PRKD1: variants seen among roughly 807,000 people sequenced by gnomAD.
PRKD1 encodes the protein serine/threonine-protein kinase D1.
Under a neutral mutation model 95.9 loss-of-function variants are expected in PRKD1, and 63 were observed. The observed-to-expected ratio is 0.66, with a 90% CI of 0.54 to 0.81. PRKD1 has a LOEUF of 0.81. Ranked by LOEUF, PRKD1 falls within the 30% of genes least tolerant of loss-of-function variation. The probability of loss-of-function intolerance (pLI) is 0.00; values close to 1 mark genes in which losing one functional copy is unlikely to be tolerated. For missense variants in PRKD1, 1,048 were observed against 1,165.3 expected (o/e 0.90, Z 1.47); for synonymous variants, 425 against 423.1 (o/e 1.00, Z -0.05).
intron 1 of PRKD1, among the ~76,000 whole-genome samples, chr14:29,806,648 G>C: frequency 6.6e-6 from 1 of 152,172 alleles, no homozygotes; most frequent in East Asian, 1.9e-4. Flanking sequence ...GCAAACTCCT[G>C]AAGTATGCAG....
Position 29,826,700 on chromosome 14 carries a change from C to CACACATATATATATACAT in PRKD1, c.264+100548_264+100549insATGTATATATATATGTGT, listed in dbSNP as rs377377299. ...ATATATATATACACACATATATATA[C>CACACATATATATATACAT]ATATATACACATATATATATACATA... On this transcript the variant is annotated intron_variant, in intron 1 of 17. Transcript: ENST00000331968. Among the ~76,000 whole-genome samples the CACACATATATATATACAT allele has an allele frequency of 6.8e-3, 195 of 28,706 alleles. 8 individuals carry two copies. Among genetic ancestry groups the CACACATATATATATACAT allele is most frequent in the Non-Finnish European group, 9.9e-3 (136 of 13,672 alleles). 18.8% of individuals were successfully genotyped at this position (28,706 alleles called of 152,430 possible).
intron 1 of PRKD1, among the ~76,000 whole-genome samples, chr14:29,738,233 G>A (rs1316601052): frequency 6.6e-6 from 1 of 152,130 alleles, no homozygotes; most frequent in Non-Finnish European, 1.5e-5. Context: ...TGACCACATA[G>A]CTATGTGTCT....
At chr14:29,794,122 T>C (rs149405846) in intron 1 of PRKD1, among the ~76,000 whole-genome samples, 6 of 152,244 alleles carry the variant, frequency 3.9e-5, no homozygotes, top group Non-Finnish European at 7.4e-5. Context: ...TAGATTACAA[T>C]GCTGATTCTA....
chr14:29,800,824 C>T (rs2185013), intron 1 of PRKD1, among the ~76,000 whole-genome samples: 5,353 of 152,186 alleles, frequency 0.035, 160 homozygotes, highest in Non-Finnish European at 0.057. Flanking sequence ...GAAAAACAGT[C>T]CAGTCCTTCA....
intron 1 of PRKD1, among the ~76,000 whole-genome samples, chr14:29,925,804 A>G (rs1462450648): frequency 6.6e-6 from 1 of 152,234 alleles, no homozygotes; most frequent in East Asian, 1.9e-4. Flanking sequence ...ATTTTGTTTT[A>G]CATTGTATAC....
chr14:29,746,991 A>C (rs1394541071), intron 1 of PRKD1, among the ~76,000 whole-genome samples: 1 of 152,206 alleles, frequency 6.6e-6, no homozygotes, highest in Non-Finnish European at 1.5e-5. Flanking sequence ...TTTATTCTAC[A>C]AGATTCTATC....
chr14:29,697,340 T>C (rs1884581284), intron 2 of PRKD1, among the ~76,000 whole-genome samples: 1 of 152,186 alleles, frequency 6.6e-6, no homozygotes, highest in Admixed American at 6.5e-5. Context: ...GATGACCTCT[T>C]ATACTCAGAG....
At position 29,697,276 on chromosome 14, in the gene PRKD1, TA is replaced by T. The variant is rs1316787774; in HGVS notation, c.403+28259del. Among the ~76,000 whole-genome samples, 6 of 152,226 alleles carry T rather than the reference TA, an allele frequency of 3.9e-5. No homozygotes were observed. In the South Asian group the frequency reaches 6.2e-4, roughly 16 times the overall value. On this transcript the variant is annotated intron_variant, in intron 2 of 17. Transcript: ENST00000331968. ...TTAAATTCATGGTGTCATGAACTAA[TA>T]TATACAGTTTTATCTTTTGAAAACT...
chr14:29,696,118 C>T (rs1884502501), intron 2 of PRKD1, among the ~76,000 whole-genome samples: 1 of 152,030 alleles, frequency 6.6e-6, no homozygotes, highest in Admixed American at 6.6e-5. Flanking sequence ...CAGCAAATCG[C>T]ATGTTAGAGT....
Position 29,835,721 on chromosome 14 carries a change from C to T in PRKD1, c.264+91528G>A, listed in dbSNP as rs553594496. ...GAGTAGCTGGGATTACAGGCACACG[C>T]CACCACACCCAGCTAATTTTTGTAT... On this transcript the variant is annotated intron_variant, in intron 1 of 17. Transcript: ENST00000331968. Among the ~76,000 whole-genome samples, 798 of 152,202 alleles carry T rather than the reference C, an allele frequency of 5.2e-3. 2 individuals carry two copies. Among genetic ancestry groups the T allele is most frequent in the Admixed American group, 0.013 (194 of 15,290 alleles).
At chr14:29,910,264 C>T (rs1894658708) in intron 1 of PRKD1, among the ~76,000 whole-genome samples, 1 of 152,072 alleles carries the variant, frequency 6.6e-6, no homozygotes, top group Admixed American at 6.5e-5. Flanking sequence ...AGACGCGCCG[C>T]CTTAAGAGCT....
chr14:29,663,634 T>C (rs2139211231), intron 4 of PRKD1, 65 bp downstream of exon 4: 1 of 1,558,140 alleles, frequency 6.4e-7, no homozygotes, highest in Non-Finnish European at 8.8e-7. Context: ...TGGATTGACA[T>C]TGCTATCACA....
chr14:29,649,815 C>A (rs534815225), intron 4 of PRKD1, among the ~76,000 whole-genome samples: 1 of 152,226 alleles, frequency 6.6e-6, no homozygotes, highest in African/African-American at 2.4e-5. Flanking sequence ...TGGGTTTTGA[C>A]GATTTTCCTC....
At chr14:29,722,998 G>T (rs1020743716) in intron 2 of PRKD1, among the ~76,000 whole-genome samples, 1 of 152,226 alleles carries the variant, frequency 6.6e-6, no homozygotes, top group Non-Finnish European at 1.5e-5. Flanking sequence ...ACAGGCTAGA[G>T]TAGGAGAAGA....
At chr14:29,803,561 A>T (rs372645779) in intron 1 of PRKD1, among the ~76,000 whole-genome samples, 1 of 152,176 alleles carries the variant, frequency 6.6e-6, no homozygotes. Flanking sequence ...AAATAATCCA[A>T]GCTGGAAACA....
At chr14:29,806,294 T>C (rs1890229054) in intron 1 of PRKD1, among the ~76,000 whole-genome samples, 2 of 152,244 alleles carry the variant, frequency 1.3e-5, no homozygotes, top group South Asian at 4.1e-4. Flanking sequence ...AGCAACTTTG[T>C]GAAAGTGAGT....
intron 3 of PRKD1, among the ~76,000 whole-genome samples, 160 bp from the exon 4 acceptor site, chr14:29,664,019 T>G (rs1462448324): frequency 6.6e-6 from 1 of 152,218 alleles, no homozygotes; most frequent in Non-Finnish European, 1.5e-5. Context: ...GAATTTTTTT[T>G]CCAATTTGTT....
chr14:29,667,472 C>T (rs1882589963), intron 2 of PRKD1, among the ~76,000 whole-genome samples: 1 of 152,090 alleles, frequency 6.6e-6, no homozygotes, highest in Non-Finnish European at 1.5e-5. Flanking sequence ...TATCACATTT[C>T]CCACTTCAAG....
chr14:29,754,088 G>A (rs1181220411), intron 1 of PRKD1, among the ~76,000 whole-genome samples: 1 of 152,116 alleles, frequency 6.6e-6, no homozygotes, highest in Non-Finnish European at 1.5e-5. Flanking sequence ...GCCAACATTG[G>A]CTATTACCCA....
Sources: gnomAD v4.1 joint callset for allele counts (sites outside exome capture counted in the v4.1 genomes callset) on GRCh38, gnomAD v4.1.1 for gene constraint, MANE v1.5 for transcripts, NCBI Gene and HGNC (gene_info 2026-07-23, HGNC 2026-07-21) for gene names.